The following PGC variants were observed in gnomAD, a reference collection of about 807,000 sequenced individuals.
The protein encoded by PGC is gastricsin.
A neutral mutation model predicts 45.9 loss-of-function variants in PGC; 31 were observed. That is an observed-to-expected ratio of 0.67 (90% CI 0.51 to 0.91). The LOEUF (loss-of-function observed/expected upper bound fraction) is 0.91. PGC is among the 40% of genes least tolerant of loss of function. The pLI, the probability that PGC is intolerant of heterozygous loss-of-function variation, is 0.00. For synonymous variants in PGC, 192 were observed against 201.8 expected, an observed-to-expected ratio of 0.95 and a Z score of 0.41; for missense variants, 477 against 493.2, an observed-to-expected ratio of 0.97 and a Z score of 0.31.
intron 3 of PGC, 68 bp from the exon 4 acceptor site, chr6:41,743,457 C>G: frequency 1.0e-6 from 1 of 954,714 alleles, no homozygotes; most frequent in Non-Finnish European, 1.7e-6. Context: ...TCAGGCCTGC[C>G]GGGTTCCCAC....
At position 41,739,946 on chromosome 6, in the gene PGC, C is replaced by T; in HGVS notation, c.768G>A (p.Glu256=). 1 of 1,613,686 alleles carries T rather than the reference C, an allele frequency of 6.2e-7. No homozygotes were observed. Among genetic ancestry groups the T allele is most frequent in the Non-Finnish European group, 8.5e-7 (1 of 1,179,752 alleles). ...QELYWQIGIE[E]FLIGGQASGW... Reference sequence around the variant, plus strand: ...CGGAGGCCTGGCCGCCGATGAGGAACCTGTATGGGGAGAAGACAGGCAGCC... The same window carrying T: ...CGGAGGCCTGGCCGCCGATGAGGAATCTGTATGGGGAGAAGACAGGCAGCC... Residue 256 remains glutamate, a splice_region_variant and synonymous_variant, in exon 7 of 9, where the codon GAG becomes GAA. Transcript: ENST00000373025.
rs1771806458 is a variant in PGC, at chr6:41,740,707, T to C, written c.648-97A>G. The C allele has an allele frequency of 8.7e-6, 13 of 1,495,686 alleles. No homozygotes were observed. The South Asian group carries it at 1.4e-4, about 16-fold the overall frequency. 92.7% of individuals were successfully genotyped at this position (1,495,686 alleles called of 1,614,324 possible). A position where few individuals can be genotyped will look rare whatever the true frequency, so the allele number is the denominator to read the frequency against. On this transcript the variant is annotated intron_variant, in intron 5 of 8. Transcript: ENST00000373025. ...CCACAGGGAAACAGAGCTCCTTCCCTGATCCAGACGGGGGCTCCCTGAGGA... is the reference window on the plus strand; with the variant it reads ...CCACAGGGAAACAGAGCTCCTTCCCCGATCCAGACGGGGGCTCCCTGAGGA...
chr6:41,743,377 CG>C lies in PGC; in HGVS notation c.340del (p.Arg114AlafsTer35). ...CQSQACTSHS[R>X]FNPSESSTYS... ...GGTGGACGACTCGCTGGGGTTGAAG[CG>C]GGAGTGACTGGCTGCAGGGGAGTCA... On this transcript the variant is annotated frameshift_variant, in exon 4 of 9. Coordinates refer to ENST00000373025, the MANE Select transcript of PGC (RefSeq NM_002630.4). LOFTEE classifies it high-confidence loss of function. The C allele has an allele frequency of 6.2e-7, 1 of 1,611,908 alleles. No homozygotes were observed. The highest frequency in any genetic ancestry group is 8.5e-7 in the Non-Finnish European group (1 of 1,178,042).
intron 5 of PGC, chr6:41,741,891 AGAGG>A: frequency 7.3e-7 from 1 of 1,378,744 alleles, no homozygotes; most frequent in Non-Finnish European, 1.0e-6. Flanking sequence ...ACTATGCAAA[AGAGG>A]GATACAGGTA....
At chr6:41,741,652 A>T in intron 5 of PGC, 1 of 653,176 alleles carries the variant, frequency 1.5e-6, no homozygotes, top group South Asian at 1.8e-5. Flanking sequence ...TCTCAAAAAA[A>T]CAAAACAAAA....
At chr6:41,740,635 A>C in intron 5 of PGC, 25 bp from the exon 6 acceptor site, 1 of 1,577,162 alleles carries the variant, frequency 6.3e-7, no homozygotes, top group Non-Finnish European at 8.6e-7. Context: ...GGGAAGGGGA[A>C]GTCAGGGAGT....
intron 7 of PGC, among the ~76,000 whole-genome samples, chr6:41,738,132 G>GCATATATATATA (rs1561879535): frequency 9.7e-4 from 64 of 65,858 alleles, no homozygotes; most frequent in South Asian, 2.9e-3. Context: ...ACATATATAT[G>GCATATATATATA]CATATATATA....
intron 1 of PGC, among the ~76,000 whole-genome samples, chr6:41,746,199 G>T (rs1771929546): frequency 1.3e-5 from 2 of 151,968 alleles, no homozygotes; most frequent in African/African-American, 2.4e-5. Context: ...AGATGGCAAA[G>T]TTCACCCCAG....
In PGC at chr6:41,738,178, A is replaced by ATG. The variant is rs1259246086; in HGVS notation, c.916-351_916-350insCA. ...TATACATATATATGCATATATATAT[A>ATG]CATATATATATGCATATATATATGC... is the stretch of plus-strand genomic sequence containing the variant. On this transcript the variant is annotated intron_variant, in intron 7 of 8. Coordinates refer to ENST00000373025, the MANE Select transcript of PGC (RefSeq NM_002630.4). 1.5e-4 allele frequency among the ~76,000 whole-genome samples: 4 copies of ATG among 27,574 alleles called. 1 individual carries two copies. The East Asian group carries it at 3.0e-3, about 20-fold the overall frequency. The allele number at this position is 27,574 out of a possible 152,430, so 18.1% of individuals were successfully genotyped here.
At position 41,747,341 on chromosome 6, in the gene PGC, G is replaced by A. The variant is rs772768047; in HGVS notation, c.-7C>T. ...CCACCACCATCCACTTCATGATGCT[G>A]GTCCCCAACTGGCCACAGAGGAAGA... On this transcript the variant is annotated 5_prime_UTR_variant, in exon 1 of 9. Transcript: ENST00000373025. 6.2e-7 allele frequency: 1 copy of A among 1,613,402 alleles called. No individual in the cohort carries two copies. The highest frequency in any genetic ancestry group is 1.7e-5 in the Admixed American group (1 of 60,012).
At position 41,742,371 on chromosome 6, in the gene PGC, A is replaced by G. The variant is rs1426795033; in HGVS notation, c.566T>C (p.Val189Ala). The G allele has an allele frequency of 2.5e-6, 4 of 1,614,180 alleles. No individual in the cohort carries two copies. Among genetic ancestry groups the G allele is most frequent in the African/African-American group, 1.3e-5 (1 of 75,050 alleles). ...IMGLAYPALSVDEATTAMQGM... is the reference protein window; with the variant it reads ...IMGLAYPALSADEATTAMQGM... ...CTGCATAGCTGTGGTGGCCTCATCC[A>G]CGGACAGAGCAGGGTAGGCCAGGCC... Residue 189 changes from valine to alanine, a missense_variant, in exon 5 of 9, where the codon GTG becomes GCG. By Grantham distance (64) the Val-to-Ala change is moderately conservative. Transcript: ENST00000373025.
Position 41,744,307 on chromosome 6 carries a change from C to G in PGC, c.328+90G>C. ...TCCCCAGGACTGAGCTCCCCTCAGT[C>G]CTGAGCTCCCTCTGGAAGTTTGGCC... On this transcript the variant is annotated intron_variant, in intron 3 of 8. Coordinates refer to ENST00000373025, the MANE Select transcript of PGC (RefSeq NM_002630.4). This position sits in a 1 kb window ranked among gnomAD's most constrained non-coding sequence, Gnocchi z 4.4. 1.1e-6 allele frequency: 1 copy of G among 872,518 alleles called. No individual in the cohort carries two copies. Among genetic ancestry groups the G allele is most frequent in the Non-Finnish European group, 1.8e-6 (1 of 541,656 alleles). 54.0% of individuals were successfully genotyped at this position (872,518 alleles called of 1,614,324 possible).
At chr6:41,739,265 C>A (rs977062332) in intron 7 of PGC, among the ~76,000 whole-genome samples, 1 of 152,224 alleles carries the variant, frequency 6.6e-6, no homozygotes, top group East Asian at 1.9e-4. Flanking sequence ...AGAAGAAATT[C>A]CTGCCTAATA....
rs770994953 is a variant in PGC at position 41,737,793 on chromosome 6, G to A, written c.951C>T (p.Pro317=). Residue 317 remains proline, a synonymous_variant, in exon 8 of 9, where the codon CCC becomes CCT. Coordinates refer to ENST00000373025, the MANE Select transcript of PGC (RefSeq NM_002630.4). ...CACCATTGATGATGAAGGTCAAGCT[G>A]GGCAGATTCTGAATGCTGTTACAGT... The part of the protein sequence containing the change: ...LVNCNSIQNL[P]SLTFIINGVE... 1 of 1,612,432 alleles carries A rather than the reference G, an allele frequency of 6.2e-7. No individual in the cohort carries two copies.
At position 41,743,355 on chromosome 6, in the gene PGC, G is replaced by A. The variant is rs1041180076; in HGVS notation, c.363C>T (p.Ser121=). Reference sequence around the variant, plus strand: ...AGGTCTGCCCATTGGTGGAGTAGGTGGACGACTCGCTGGGGTTGAAGCGGG... The same window carrying A: ...AGGTCTGCCCATTGGTGGAGTAGGTAGACGACTCGCTGGGGTTGAAGCGGG... The part of the protein sequence containing the change: ...SHSRFNPSES[S]TYSTNGQTFS... The change falls in exon 4 of 9, where the codon TCC becomes TCT. Residue 121 remains serine (S), a synonymous_variant. Coordinates refer to ENST00000373025, the MANE Select transcript of PGC (RefSeq NM_002630.4). 6.2e-7 allele frequency: 1 copy of A among 1,613,856 alleles called. No homozygotes were observed. The highest frequency in any genetic ancestry group is 1.7e-5 in the Admixed American group (1 of 60,006).
rs1392678993 is a variant in PGC at position 41,744,193 on chromosome 6, A to G, written c.328+204T>C. On this transcript the variant is annotated intron_variant, in intron 3 of 8. Transcript: ENST00000373025. This position sits in a 1 kb window ranked among gnomAD's most constrained non-coding sequence, Gnocchi z 4.4. ...CATAAGCAAAGGGATACATATTGGC[A>G]GGGAAGGCAAAGGGGCCATCCAGCT... is the stretch of plus-strand genomic sequence containing the variant. Among the ~76,000 whole-genome samples, 2 of 152,200 alleles carry G rather than the reference A, an allele frequency of 1.3e-5. No homozygotes were observed. The highest frequency in any genetic ancestry group is 4.8e-5 in the African/African-American group (2 of 41,446).
chr6:41,742,442 A>T lies in PGC; in HGVS notation c.495T>A (p.Asn165Lys). The T allele has an allele frequency of 1.2e-6, 2 of 1,614,170 alleles. No individual in the cohort carries two copies. Among genetic ancestry groups the T allele is most frequent in the African/African-American group, 1.3e-5 (1 of 75,036 alleles). Residue 165 changes from asparagine (N) to lysine (K), a missense_variant, in exon 5 of 9, where the codon AAT (asparagine) becomes AAA (lysine). Asn to Lys is a moderately conservative substitution (Grantham distance 94). Transcript: ENST00000373025. ...VPNQEFGLSE[N>K]EPGTNFVYAQ... Reference sequence around the variant, plus strand: ...CATAGACGAAGTTGGTACCAGGCTCATTCTCACTCAAGCCGAACTCCTGGT... The same window carrying T: ...CATAGACGAAGTTGGTACCAGGCTCTTTCTCACTCAAGCCGAACTCCTGGT...
At position 41,744,041 on chromosome 6, in the gene PGC, G is replaced by A. The variant is rs1219631144; in HGVS notation, c.328+356C>T. On this transcript the variant is annotated intron_variant, in intron 3 of 8. Transcript: ENST00000373025. This position sits in a 1 kb window ranked among gnomAD's most constrained non-coding sequence, Gnocchi z 4.4. Reference sequence around the variant, plus strand: ...CTGAGGTGGAGCAGAATAGAATGGAGTAGAATGGAGTGGGATGGAGTGGGA... The same window carrying A: ...CTGAGGTGGAGCAGAATAGAATGGAATAGAATGGAGTGGGATGGAGTGGGA... Among the ~76,000 whole-genome samples, 2 of 152,172 alleles carry A rather than the reference G, an allele frequency of 1.3e-5. No individual in the cohort carries two copies. The highest frequency in any genetic ancestry group is 1.9e-4 in the East Asian group (1 of 5,188).
At chr6:41,746,613 C>T (rs1771934798) in intron 1 of PGC, among the ~76,000 whole-genome samples, 1 of 152,214 alleles carries the variant, frequency 6.6e-6, no homozygotes, top group Non-Finnish European at 1.5e-5. Context: ...CAGAAATTCT[C>T]TGCTAAACCC....
Sources: allele counts gnomAD v4.1 joint callset (sites outside exome capture counted in the v4.1 genomes callset), GRCh38; gene constraint gnomAD v4.1.1; non-coding constraint Gnocchi (gnomAD v3.1); transcripts MANE v1.5; gene names NCBI Gene and HGNC (gene_info 2026-07-23, HGNC 2026-07-21).